The following TMF1 variants were observed in gnomAD, a reference collection of about 807,000 sequenced individuals.
TMF1 encodes TATA element modulatory factor 1.
TMF1 carries 71 observed loss-of-function variants against 126.5 expected under a neutral mutation model. The observed-to-expected ratio is 0.56, with a 90% CI of 0.46 to 0.68. The LOEUF is 0.68. Among genes scored for constraint, TMF1 ranks in the 30% least tolerant of loss-of-function variants. TMF1 has a pLI of 0.00. For synonymous variants in TMF1, 461 were observed against 430.5 expected (o/e 1.07, Z -0.88); for missense variants, 1,259 against 1,253.2 (o/e 1.00, Z -0.07).
At chr3:69,036,250 C>T (rs571425605) in intron 8 of TMF1, among the ~76,000 whole-genome samples, 300 of 146,660 alleles carry the variant, frequency 2.0e-3, no homozygotes, top group African/African-American at 7.4e-3. Flanking sequence ...CTATCATTTA[C>T]GTAAAAAGGA....
chr3:69,039,496 G>C, intron 6 of TMF1, 55 bp downstream of exon 6: 1 of 1,560,810 alleles, frequency 6.4e-7, no homozygotes, highest in Admixed American at 2.0e-5. Flanking sequence ...ATGGCCAACT[G>C]TTCATACAGG....
rs954935345 is a variant in TMF1 at position 69,052,296 on chromosome 3, G to A, written c.-210C>T. 4.4e-6 allele frequency: 2 copies of A among 455,500 alleles called. No individual in the cohort carries two copies. Among genetic ancestry groups the A allele is most frequent in the East Asian group, 7.6e-5 (2 of 26,306 alleles). 28.2% of individuals were successfully genotyped at this position (455,500 alleles called of 1,614,324 possible). On this transcript the variant is annotated 5_prime_UTR_variant, in exon 1 of 17. Transcript: ENST00000398559. ...AGACGAAGGGGGCCCATGTGCGCAT[G>A]CGCTTGCTTCTTCCACGTACACAGC...
rs976055481 is a variant in TMF1, at chr3:69,021,931, G to C, written c.*1246C>G. 1 of 152,262 alleles carries C rather than the reference G, an allele frequency of 6.6e-6. No homozygotes were observed. The highest frequency in any genetic ancestry group is 1.5e-5 in the Non-Finnish European group (1 of 68,038). The allele number at this position is 152,262 out of a possible 1,614,324, so 9.4% of individuals were successfully genotyped here. A position where few individuals can be genotyped will look rare whatever the true frequency, so the allele number is the denominator to read the frequency against. On this transcript the variant is annotated 3_prime_UTR_variant, in exon 17 of 17. Transcript: ENST00000398559. Reference sequence around the variant, plus strand: ...ACTCCTGACATCAGGTGATATGCCCGCCTTGGCCTCCCAAAGTGCTGGGAT... The same window carrying C: ...ACTCCTGACATCAGGTGATATGCCCCCCTTGGCCTCCCAAAGTGCTGGGAT...
In TMF1 at chr3:69,022,537, G is replaced by A. The variant is rs1336427865; in HGVS notation, c.*640C>T. ...TACCACATTTTATACAGACTTAATT[G>A]TGAAAGCTGGGTGAAATAAATTTTC... On this transcript the variant is annotated 3_prime_UTR_variant, in exon 17 of 17. Transcript: ENST00000398559. 2 of 152,464 alleles carry A rather than the reference G, an allele frequency of 1.3e-5. No homozygotes were observed. Among genetic ancestry groups the A allele is most frequent in the African/African-American group, 2.4e-5 (1 of 41,424 alleles). The allele number at this position is 152,464 out of a possible 1,614,324, so 9.4% of individuals were successfully genotyped here.
In TMF1 at chr3:69,029,820, G is replaced by C. The variant is rs1285087056; in HGVS notation, c.2589C>G (p.Asn863Lys). 6.2e-7 allele frequency: 1 copy of C among 1,608,816 alleles called. No homozygotes were observed. Among genetic ancestry groups the C allele is most frequent in the African/African-American group, 1.3e-5 (1 of 74,642 alleles). The change falls in exon 11 of 17, where the codon AAC (asparagine) becomes AAG (lysine). Residue 863 changes from asparagine to lysine, a missense_variant. Coordinates refer to ENST00000398559, the MANE Select transcript of TMF1 (RefSeq NM_007114.3). ...KNRLCKLEDE[N>K]NRYQVELENL... Reference sequence around the variant, plus strand: ...CACTCAGAAACCATGCTCACCTATTGTTCTCATCCTCCAGTTTACACAGCC... The same window carrying C: ...CACTCAGAAACCATGCTCACCTATTCTTCTCATCCTCCAGTTTACACAGCC...
At chr3:69,032,840 G>C (rs2091810507) in intron 10 of TMF1, among the ~76,000 whole-genome samples, 1 of 151,986 alleles carries the variant, frequency 6.6e-6, no homozygotes, top group Admixed American at 6.6e-5. Flanking sequence ...TGAACTCCTG[G>C]CGTCAAGTGA....
intron 12 of TMF1, 35 bp from the exon 13 acceptor site, chr3:69,028,027 G>C: frequency 7.6e-7 from 1 of 1,307,842 alleles, no homozygotes; most frequent in Non-Finnish European, 1.1e-6. Context: ...CAATTTCTGT[G>C]ATAGTAATTC....
chr3:69,046,384 G>C (rs1399620258), intron 2 of TMF1, among the ~76,000 whole-genome samples: 1 of 152,170 alleles, frequency 6.6e-6, no homozygotes, highest in Non-Finnish European at 1.5e-5. Flanking sequence ...ATATCTGATA[G>C]TAATTAGTGC....
At position 69,048,526 on chromosome 3, in the gene TMF1, G is replaced by A; in HGVS notation, c.179C>T (p.Ser60Leu). 1 of 1,612,828 alleles carries A rather than the reference G, an allele frequency of 6.2e-7. No homozygotes were observed. The highest frequency in any genetic ancestry group is 8.5e-7 in the Non-Finnish European group (1 of 1,179,278). ...AGTGTTTGATTTCAACCCCCAGGTT[G>A]AAGTATCCCATCCTCCACTGACAGG... is the stretch of plus-strand genomic sequence containing the variant. ...SSPVSGGWDTSTWGLKSNTEP... is the reference protein window; with the variant it reads ...SSPVSGGWDTLTWGLKSNTEP... The change falls in exon 2 of 17, where the codon TCA becomes TTA. Residue 60 changes from serine (S) to leucine (L), a missense_variant. Coordinates refer to ENST00000398559, the MANE Select transcript of TMF1 (RefSeq NM_007114.3).
rs779847595 is a variant in TMF1 at position 69,048,032 on chromosome 3, T to A, written c.673A>T (p.Ile225Leu). The A allele has an allele frequency of 1.2e-6, 2 of 1,614,072 alleles. No homozygotes were observed. Among genetic ancestry groups the A allele is most frequent in the Non-Finnish European group, 1.7e-6 (2 of 1,180,030 alleles). Residue 225 changes from isoleucine to leucine, a missense_variant, in exon 2 of 17, where the codon ATA (isoleucine) becomes TTA (leucine). Coordinates refer to ENST00000398559, the MANE Select transcript of TMF1 (RefSeq NM_007114.3). ...TQSLTAETKD[I>L]ALEPKEQKHE... ...TTTTGTTCCTTAGGTTCCAAAGCTATGTCCTTTGTTTCTGCTGTGAGAGAC... is the reference window on the plus strand; with the variant it reads ...TTTTGTTCCTTAGGTTCCAAAGCTAAGTCCTTTGTTTCTGCTGTGAGAGAC...
chr3:69,039,727 T>G (rs993227978), intron 5 of TMF1, 34 bp from the exon 6 acceptor site: 2 of 1,582,390 alleles, frequency 1.3e-6, no homozygotes, highest in Admixed American at 3.9e-5. Context: ...ACTCAAATGA[T>G]AACTATTCCC....
At chr3:69,044,944 A>G (rs371228024) in intron 2 of TMF1, among the ~76,000 whole-genome samples, 2 of 152,264 alleles carry the variant, frequency 1.3e-5, no homozygotes, top group African/African-American at 2.4e-5. Flanking sequence ...GGCGACATGT[A>G]TAAGAATACT....
chr3:69,038,385 C>G (rs1040800883), intron 8 of TMF1, among the ~76,000 whole-genome samples, 179 bp downstream of exon 8: 2 of 152,114 alleles, frequency 1.3e-5, no homozygotes, highest in East Asian at 1.9e-4. Flanking sequence ...ACTGGTATCA[C>G]GTAAGCATTA....
chr3:69,052,317 A>G lies in TMF1; in HGVS notation c.-231T>C, dbSNP rs868721446. On this transcript the variant is annotated 5_prime_UTR_variant, in exon 1 of 17. Transcript: ENST00000398559. Reference sequence around the variant, plus strand: ...GCATGCGCTTGCTTCTTCCACGTACACAGCAACCAAATCTACGAGCCCAGA... The same window carrying G: ...GCATGCGCTTGCTTCTTCCACGTACGCAGCAACCAAATCTACGAGCCCAGA... 12 of 377,566 alleles carry G rather than the reference A, an allele frequency of 3.2e-5. No homozygotes were observed. Among genetic ancestry groups the G allele is most frequent in the Middle Eastern group, 7.3e-4 (1 of 1,376 alleles). 23.4% of individuals were successfully genotyped at this position (377,566 alleles called of 1,614,324 possible).
At position 69,044,537 on chromosome 3, in the gene TMF1, C is replaced by T. The variant is rs752428768; in HGVS notation, c.1406G>A (p.Ser469Asn). Reference protein sequence around the residue: ...EKREAQLLSLSKEKALLEEAF... With the variant: ...EKREAQLLSLNKEKALLEEAF... Reference sequence around the variant, plus strand: ...TTCTTCTAGAAGTGCTTTTTCCTTACTAAGAGATAATAACTGAGCCTCCCT... The same window carrying T: ...TTCTTCTAGAAGTGCTTTTTCCTTATTAAGAGATAATAACTGAGCCTCCCT... The change falls in exon 3 of 17, where the codon AGT becomes AAT. Residue 469 changes from serine (S) to asparagine (N), a missense_variant. Physicochemically the swap from Ser to Asn is conservative, Grantham distance 46. Coordinates refer to ENST00000398559, the MANE Select transcript of TMF1 (RefSeq NM_007114.3). 3 of 1,608,268 alleles carry T rather than the reference C, an allele frequency of 1.9e-6. No homozygotes were observed. Among genetic ancestry groups the T allele is most frequent in the Middle Eastern group, 1.7e-4 (1 of 6,002 alleles).
At chr3:69,025,873 C>A in intron 14 of TMF1, 123 bp downstream of exon 14, 1 of 1,113,608 alleles carries the variant, frequency 9.0e-7, no homozygotes. Context: ...AGCACTCCTC[C>A]ACAAGTATTC....
chr3:69,051,811 G>T, intron 1 of TMF1, 134 bp downstream of exon 1: 5 of 1,086,606 alleles, frequency 4.6e-6, no homozygotes, highest in Non-Finnish European at 6.4e-6. Flanking sequence ...CAGCATTAGG[G>T]AACGGGCCGG....
intron 16 of TMF1, 63 bp downstream of exon 16, chr3:69,023,992 C>T: frequency 6.9e-7 from 1 of 1,442,320 alleles, no homozygotes; most frequent in Admixed American, 2.5e-5. Context: ...AAATTAAAAA[C>T]ATGAGATTTA....
intron 5 of TMF1, 67 bp downstream of exon 5, chr3:69,042,740 A>T: frequency 7.9e-7 from 1 of 1,268,474 alleles, no homozygotes; most frequent in Non-Finnish European, 1.1e-6. Flanking sequence ...AGCATCAGCT[A>T]GTTATGTGGC....
Sources: allele counts gnomAD v4.1 joint callset (sites outside exome capture counted in the v4.1 genomes callset), GRCh38; gene constraint gnomAD v4.1.1; transcripts MANE v1.5; gene names NCBI Gene and HGNC (gene_info 2026-07-23, HGNC 2026-07-21).